Variants in RSU1 observed in about 807,000 individuals in gnomAD.
The protein encoded by RSU1 is rsu-1.
In RSU1, 26 loss-of-function variants were observed where a neutral mutation model predicts 31.1. The ratio of observed to expected loss-of-function variants is 0.84; its 90% CI spans 0.61 to 1.16. The LOEUF is 1.16. Ranked by LOEUF, RSU1 falls within the 50% of genes most tolerant of loss-of-function variation. The pLI is 0.00. For synonymous variants in RSU1, 164 were observed against 136.3 expected (o/e 1.20, Z -1.41); for missense variants, 320 against 339.1 (o/e 0.94, Z 0.44).
intron 8 of RSU1, among the ~76,000 whole-genome samples, chr10:16,675,833 A>G (rs931333110): frequency 9.2e-5 from 14 of 152,164 alleles, no homozygotes; most frequent in African/African-American, 3.4e-4. Flanking sequence ...ATGCTCTAAA[A>G]CTTTCCTGGG....
At chr10:16,683,935 T>G (rs1835387721) in intron 8 of RSU1, among the ~76,000 whole-genome samples, 1 of 152,160 alleles carries the variant, frequency 6.6e-6, no homozygotes, top group African/African-American at 2.4e-5. Flanking sequence ...ATTGGTTGAG[T>G]TTGTCTAAGA....
intron 6 of RSU1, 38 bp downstream of exon 6, chr10:16,752,880 G>C (rs532209394): frequency 1.9e-6 from 3 of 1,557,278 alleles, no homozygotes; most frequent in Non-Finnish European, 8.9e-7. Flanking sequence ...GGCTGCAGCA[G>C]TGAATTGATT....
intron 7 of RSU1, among the ~76,000 whole-genome samples, chr10:16,703,321 T>C (rs903477949): frequency 2.6e-5 from 4 of 152,182 alleles, no homozygotes; most frequent in Non-Finnish European, 5.9e-5. Context: ...GACAAACATT[T>C]TCCCTACATT....
chr10:16,613,904 T>C (rs922709325), intron 8 of RSU1, among the ~76,000 whole-genome samples: 1 of 152,014 alleles, frequency 6.6e-6, no homozygotes, highest in Non-Finnish European at 1.5e-5. Context: ...CACATGTGTG[T>C]AAAAATACAT....
intron 8 of RSU1, among the ~76,000 whole-genome samples, chr10:16,612,800 G>C (rs1344810771): frequency 6.6e-6 from 1 of 152,152 alleles, no homozygotes; most frequent in East Asian, 1.9e-4. Flanking sequence ...AGATGCAATG[G>C]AGCAATTTGC....
At position 16,797,920 on chromosome 10, in the gene RSU1, G is replaced by C. The variant is rs571900985; in HGVS notation, c.110-15836C>G. The stretch of plus-strand genomic sequence containing the variant: ...TCTGTTGCCCAGACTGGAGTGGAGC[G>C]GGGCAATCTCGGCTCACTGTAACCT... On this transcript the variant is annotated intron_variant, in intron 2 of 8. Transcript: ENST00000345264. Among the ~76,000 whole-genome samples the C allele has an allele frequency of 2.0e-5, 3 of 147,782 alleles. No homozygotes were observed. In the South Asian group the frequency reaches 6.5e-4, roughly 32 times the overall value.
rs11254154 is a variant in RSU1, at chr10:16,695,213, G to T, written c.599-58C>A. The T allele has an allele frequency of 1.5e-3, 2,275 of 1,520,030 alleles. 29 individuals are homozygous for T. In the African/African-American group the frequency reaches 0.029, roughly 19 times the overall value. 94.2% of individuals were successfully genotyped at this position (1,520,030 alleles called of 1,614,324 possible). On this transcript the variant is annotated intron_variant, in intron 7 of 8. Transcript: ENST00000345264. ...TTCATCCAATACAGATCAGGTCTAA[G>T]AAGTCCTTCTCAGTAATCACAGCCT...
At chr10:16,722,864 A>G (rs1372779857) in intron 7 of RSU1, among the ~76,000 whole-genome samples, 1 of 144,088 alleles carries the variant, frequency 6.9e-6, no homozygotes, top group Non-Finnish European at 1.5e-5. Flanking sequence ...ATATATACAT[A>G]TATGTATATA....
At chr10:16,815,355 C>T (rs1413777949) in intron 2 of RSU1, among the ~76,000 whole-genome samples, 1 of 152,190 alleles carries the variant, frequency 6.6e-6, no homozygotes, top group East Asian at 1.9e-4. Context: ...AGCATCAACT[C>T]CAACCTCTGT....
intron 8 of RSU1, among the ~76,000 whole-genome samples, chr10:16,637,425 C>T (rs745792435): frequency 5.3e-5 from 8 of 151,960 alleles, no homozygotes; most frequent in Admixed American, 1.3e-4. Context: ...GAGTGGACGC[C>T]GTGCTAGTTT....
intron 7 of RSU1, among the ~76,000 whole-genome samples, chr10:16,702,992 C>T (rs1293764268): frequency 3.9e-5 from 6 of 152,108 alleles, no homozygotes; most frequent in South Asian, 4.1e-4. Flanking sequence ...TAGCAACATC[C>T]CTCTGGTGCT....
chr10:16,777,290 A>G (rs1285240296), intron 3 of RSU1, among the ~76,000 whole-genome samples: 1 of 152,236 alleles, frequency 6.6e-6, no homozygotes, highest in African/African-American at 2.4e-5. Flanking sequence ...AATATGCCCA[A>G]TACAAAATAC....
intron 8 of RSU1, among the ~76,000 whole-genome samples, chr10:16,615,736 C>T (rs1366804173): frequency 2.6e-5 from 4 of 152,188 alleles, no homozygotes; most frequent in Non-Finnish European, 2.9e-5. Context: ...CTCAAAACTG[C>T]ACAACTACAT....
intron 5 of RSU1, among the ~76,000 whole-genome samples, chr10:16,753,397 G>A (rs1439963070): frequency 6.6e-6 from 1 of 152,156 alleles, no homozygotes; most frequent in Non-Finnish European, 1.5e-5. Flanking sequence ...GGGCAAAAGG[G>A]TTCTTTCAAG....
At chr10:16,789,180 A>G (rs1372696855) in intron 2 of RSU1, among the ~76,000 whole-genome samples, 1 of 152,230 alleles carries the variant, frequency 6.6e-6, no homozygotes, top group Non-Finnish European at 1.5e-5. Context: ...TTAGCAGGAG[A>G]GAAACTAAAA....
At chr10:16,664,928 T>A (rs1564307343) in intron 8 of RSU1, among the ~76,000 whole-genome samples, 1 of 152,106 alleles carries the variant, frequency 6.6e-6, no homozygotes, top group Admixed American at 6.6e-5. Flanking sequence ...TGTGTCTGAC[T>A]CAGTTCTTTT....
intron 8 of RSU1, among the ~76,000 whole-genome samples, chr10:16,660,894 A>G (rs1366228130): frequency 6.6e-6 from 1 of 151,956 alleles, no homozygotes; most frequent in African/African-American, 2.4e-5. Context: ...TGATCCACCC[A>G]CTGCAAACCT....
intron 7 of RSU1, among the ~76,000 whole-genome samples, chr10:16,749,286 T>C (rs996095765): frequency 4.6e-5 from 7 of 152,314 alleles, no homozygotes; most frequent in Non-Finnish European, 1.0e-4. Flanking sequence ...GCCAAGCCCC[T>C]GACTTTATTT....
chr10:16,785,443 C>CATATATACATAT (rs1355227933), intron 2 of RSU1, among the ~76,000 whole-genome samples: 1 of 137,952 alleles, frequency 7.2e-6, no homozygotes, highest in African/African-American at 2.9e-5. Context: ...TATATATACA[C>CATATATACATAT]ATATATACAT....
Sources: allele counts gnomAD v4.1 joint callset (sites outside exome capture counted in the v4.1 genomes callset), GRCh38; gene constraint gnomAD v4.1.1; transcripts MANE v1.5; gene names NCBI Gene and HGNC (gene_info 2026-07-23, HGNC 2026-07-21).